CACNA1B: variants seen among roughly 807,000 people sequenced by gnomAD.
The protein encoded by CACNA1B is calcium voltage-gated channel subunit alpha1 B, also known as voltage-dependent N-type calcium channel subunit alpha-1B.
A neutral mutation model predicts 247.2 loss-of-function variants in CACNA1B; 70 were observed. The ratio of observed to expected loss-of-function variants is 0.28; its 90% CI spans 0.23 to 0.35. The LOEUF is 0.35. Ranked by LOEUF, CACNA1B falls within the 10% of genes least tolerant of loss-of-function variation. The probability of loss-of-function intolerance (pLI) is 1.00; values close to 1 mark genes in which losing one functional copy is unlikely to be tolerated. For missense variants in CACNA1B, 2,367 were observed against 3,197.4 expected (o/e 0.74, Z 6.26); for synonymous variants, 1,231 against 1,294.4 (o/e 0.95, Z 1.05).
At position 138,034,449 on chromosome 9, in the gene CACNA1B, GTT is replaced by G. The variant is rs566090688; in HGVS notation, c.3286+9292_3286+9293del. ...TGGTATAAGTGGAAGTAGGGTCATA[GTT>G]TTTTTTTTTTTTTTGGCTTGTGTGT... On this transcript the variant is annotated intron_variant, in intron 20 of 46. Coordinates refer to ENST00000371372, the MANE Select transcript of CACNA1B (RefSeq NM_000718.4). Among the ~76,000 whole-genome samples, 1,327 of 135,116 alleles carry G rather than the reference GTT, an allele frequency of 9.8e-3. 6 individuals carry two copies. Among genetic ancestry groups the G allele is most frequent in the South Asian group, 0.013 (52 of 4,082 alleles). 88.6% of individuals were successfully genotyped at this position (135,116 alleles called of 152,430 possible). A position where few individuals can be genotyped will look rare whatever the true frequency, so the allele number is the denominator to read the frequency against.
At chr9:137,929,737 C>T (rs760916126) in intron 6 of CACNA1B, among the ~76,000 whole-genome samples, 1 of 152,006 alleles carries the variant, frequency 6.6e-6, no homozygotes, top group Non-Finnish European at 1.5e-5. Context: ...ACTGTAGCCT[C>T]AATTTCCTGG....
At chr9:137,993,299 TTTATC>T (rs1412880497) in intron 15 of CACNA1B, among the ~76,000 whole-genome samples, 3 of 149,080 alleles carry the variant, frequency 2.0e-5, no homozygotes, top group African/African-American at 7.6e-5. Context: ...AAATTTTTAT[TTTATC>T]TATCTAGATA....
intron 36 of CACNA1B, among the ~76,000 whole-genome samples, chr9:138,091,115 G>C (rs1054162307): frequency 6.6e-6 from 1 of 152,128 alleles, no homozygotes; most frequent in African/African-American, 2.4e-5. Flanking sequence ...ATTCACAGTA[G>C]CCAAGATATG....
intron 15 of CACNA1B, among the ~76,000 whole-genome samples, chr9:138,004,549 CAAA>C (rs762250306): frequency 1.4e-4 from 9 of 62,420 alleles, no homozygotes; most frequent in South Asian, 4.4e-4. Context: ...GACCCTGTCT[CAAA>C]AAAAAAAAAA....
At chr9:137,938,960 A>G (rs564753665) in intron 6 of CACNA1B, among the ~76,000 whole-genome samples, 2 of 152,196 alleles carry the variant, frequency 1.3e-5, no homozygotes, top group South Asian at 4.2e-4. Flanking sequence ...AATCTCAGCT[A>G]TTTGGGAGGC....
chr9:138,097,664 C>T (rs915954820), intron 37 of CACNA1B, among the ~76,000 whole-genome samples: 2 of 152,154 alleles, frequency 1.3e-5, no homozygotes, highest in East Asian at 1.9e-4. Context: ...TGGGTGCCAC[C>T]GAGGCCTGCC....
intron 35 of CACNA1B, among the ~76,000 whole-genome samples, chr9:138,076,242 C>A (rs1960314821): frequency 6.6e-6 from 1 of 152,166 alleles, no homozygotes; most frequent in South Asian, 2.1e-4. Flanking sequence ...AGGCAGAGGT[C>A]TGGGAGGACA....
chr9:137,996,009 A>G (rs1958496325), intron 15 of CACNA1B, among the ~76,000 whole-genome samples: 1 of 152,204 alleles, frequency 6.6e-6, no homozygotes, highest in African/African-American at 2.4e-5. Context: ...AAAATAATAG[A>G]TGTTGGTGTG....
intron 41 of CACNA1B, 94 bp from the exon 42 acceptor site, chr9:138,115,458 G>GGC: frequency 2.2e-6 from 3 of 1,361,040 alleles, no homozygotes; most frequent in Non-Finnish European, 1.0e-6. Flanking sequence ...AACATGACCT[G>GGC]GCTTTTGCCC....
intron 44 of CACNA1B, among the ~76,000 whole-genome samples, chr9:138,119,522 C>T (rs1371175528): frequency 1.3e-5 from 2 of 152,290 alleles, no homozygotes; most frequent in Non-Finnish European, 2.9e-5. Context: ...TGGATCTGAA[C>T]CTCGTCCGTG....
At chr9:137,978,600 C>T (rs926720340) in intron 12 of CACNA1B, among the ~76,000 whole-genome samples, 8 of 152,188 alleles carry the variant, frequency 5.3e-5, no homozygotes, top group Non-Finnish European at 1.0e-4. Context: ...TTTACAGGAG[C>T]CAGAGAGGGG....
At chr9:137,916,867 A>G (rs534141174) in intron 5 of CACNA1B, among the ~76,000 whole-genome samples, 8 of 140,200 alleles carry the variant, frequency 5.7e-5, no homozygotes, top group South Asian at 2.5e-4. Flanking sequence ...GAGAGGAACG[A>G]TCAGCGTGGC....
intron 10 of CACNA1B, among the ~76,000 whole-genome samples, chr9:137,968,720 C>G (rs1019514390): frequency 3.9e-5 from 6 of 152,162 alleles, no homozygotes; most frequent in African/African-American, 1.4e-4. Context: ...ATTTTTTGAA[C>G]AAATGGGGGT....
intron 3 of CACNA1B, among the ~76,000 whole-genome samples, chr9:137,900,674 A>G (rs565920424): frequency 6.9e-5 from 7 of 101,588 alleles, no homozygotes; most frequent in Admixed American, 5.8e-4. Flanking sequence ...GTGTTTGTGT[A>G]TGTGTGTCTC....
At chr9:138,063,235 G>A (rs370756668) in intron 31 of CACNA1B, among the ~76,000 whole-genome samples, 21 of 152,028 alleles carry the variant, frequency 1.4e-4, no homozygotes, top group African/African-American at 4.8e-4. Context: ...GGCCACACCT[G>A]TGATCTCAGG....
At chr9:138,117,123 A>G (rs112370198) in intron 42 of CACNA1B, among the ~76,000 whole-genome samples, 76 of 152,350 alleles carry the variant, frequency 5.0e-4, no homozygotes, top group African/African-American at 1.6e-3. Context: ...ACCCGAACAC[A>G]TTCCACGCCA....
Position 138,059,506 on chromosome 9 carries a change from G to T in CACNA1B, c.4585-148G>T, listed in dbSNP as rs1959640720. On this transcript the variant is annotated intron_variant, in intron 30 of 46. Coordinates refer to ENST00000371372, the MANE Select transcript of CACNA1B (RefSeq NM_000718.4). This position sits in a 1 kb window ranked among gnomAD's most constrained non-coding sequence, Gnocchi z 4.2. ...GACATCTGCTTACCTCTGGCCTTGT[G>T]CTGTGCCCCCTGGGGTGGCCTGTCT... 1 of 647,788 alleles carries T rather than the reference G, an allele frequency of 1.5e-6. No individual in the cohort carries two copies. The highest frequency in any genetic ancestry group is 1.8e-5 in the South Asian group (1 of 54,788). 40.1% of individuals were successfully genotyped at this position (647,788 alleles called of 1,614,324 possible).
chr9:137,965,265 G>A (rs1958061276), intron 10 of CACNA1B, among the ~76,000 whole-genome samples: 1 of 152,250 alleles, frequency 6.6e-6, no homozygotes, highest in African/African-American at 2.4e-5. Context: ...TGATCAGTTT[G>A]AGCTTTCCAA....
chr9:137,884,957 TC>T (rs370592773), intron 3 of CACNA1B, among the ~76,000 whole-genome samples: 631 of 60,350 alleles, frequency 0.01, 19 homozygotes, highest in Middle Eastern at 0.024. Flanking sequence ...TCTCCCCTCT[TC>T]CCCCCCCCCC....
Sources: allele counts gnomAD v4.1 joint callset (sites outside exome capture counted in the v4.1 genomes callset), GRCh38; gene constraint gnomAD v4.1.1; non-coding constraint Gnocchi (gnomAD v3.1); transcripts MANE v1.5; gene names NCBI Gene and HGNC (gene_info 2026-07-23, HGNC 2026-07-21).